The following RRAGD variants were observed in gnomAD, a reference collection of about 807,000 sequenced individuals.
RRAGD encodes Ras related GTP binding D, also known as ras-related GTP-binding protein D.
RRAGD carries 12 observed loss-of-function variants against 35.5 expected under a neutral mutation model. The ratio of observed to expected loss-of-function variants is 0.34; its 90% CI spans 0.22 to 0.55. The LOEUF (loss-of-function observed/expected upper bound fraction) is 0.55, where lower values mean the gene tolerates loss of function less well. Ranked by LOEUF, RRAGD falls within the 20% of genes least tolerant of loss-of-function variation. The pLI is 0.91. For missense variants in RRAGD, 324 were observed against 490.1 expected (o/e 0.66, Z 3.20); for synonymous variants, 155 against 178.9 (o/e 0.87, Z 1.07).
chr6:89,391,406 G>A (rs1300260295), intron 1 of RRAGD, among the ~76,000 whole-genome samples: 8 of 151,450 alleles, frequency 5.3e-5, no homozygotes, highest in Non-Finnish European at 1.2e-4. Context: ...AAATACAATG[G>A]AATATTATTC....
intron 1 of RRAGD, among the ~76,000 whole-genome samples, chr6:89,389,715 C>G (rs537558182): frequency 6.6e-6 from 1 of 152,062 alleles, no homozygotes; most frequent in Non-Finnish European, 1.5e-5. Context: ...TGACCAAGAG[C>G]GTGTATATTT....
At position 89,367,573 on chromosome 6, in the gene RRAGD, T is replaced by C. The variant is rs897555944; in HGVS notation, c.*483A>G. ...ACTGAAAAATGATTTTTCTCAACAA[T>C]TGGTAGCAAAGATTTCCAAATTTAC... On this transcript the variant is annotated 3_prime_UTR_variant, in exon 7 of 7. Coordinates refer to ENST00000369415, the MANE Select transcript of RRAGD (RefSeq NM_021244.5). 1.3e-5 allele frequency: 2 copies of C among 152,510 alleles called. No individual in the cohort carries two copies. The highest frequency in any genetic ancestry group is 2.9e-5 in the Non-Finnish European group (2 of 68,246). 9.4% of individuals were successfully genotyped at this position (152,510 alleles called of 1,614,324 possible). A position where few individuals can be genotyped will look rare whatever the true frequency, so the allele number is the denominator to read the frequency against.
At chr6:89,382,705 C>A (rs1412142295) in intron 2 of RRAGD, among the ~76,000 whole-genome samples, 3 of 151,606 alleles carry the variant, frequency 2.0e-5, no homozygotes, top group African/African-American at 4.9e-5. Flanking sequence ...GAAACCCCGT[C>A]TCTACTAAAA....
intron 1 of RRAGD, among the ~76,000 whole-genome samples, chr6:89,407,463 C>T (rs1769603289): frequency 6.6e-6 from 1 of 152,082 alleles, no homozygotes; most frequent in Non-Finnish European, 1.5e-5. Context: ...CATGGTGAAA[C>T]CTCATCTCTA....
chr6:89,402,298 G>A (rs1484030012), intron 1 of RRAGD, among the ~76,000 whole-genome samples: 10 of 151,738 alleles, frequency 6.6e-5, no homozygotes, highest in African/African-American at 2.2e-4. Flanking sequence ...CGCCAGCCTC[G>A]GCCTCCCAAA....
rs746927836 is a variant in RRAGD, at chr6:89,380,214, C to T, written c.598G>A (p.Ala200Thr). The change falls in exon 3 of 7, where the codon GCA becomes ACA. Residue 200 changes from alanine to threonine, a missense_variant. By Grantham distance (58) the Ala-to-Thr change is moderately conservative. Coordinates refer to ENST00000369415, the MANE Select transcript of RRAGD (RefSeq NM_021244.5). ...CCAGCATCTGCAAGGTCATCGTTTG[C>T]CCTCTGGTGAATATCTCTTTGGGTT... ...IETQRDIHQR[A>T]NDDLADAGLE... The T allele has an allele frequency of 2.5e-6, 4 of 1,614,220 alleles. No homozygotes were observed. The highest frequency in any genetic ancestry group is 1.6e-4 in the Middle Eastern group (1 of 6,062).
chr6:89,370,336 A>G (rs1009912245), intron 6 of RRAGD, among the ~76,000 whole-genome samples: 4 of 152,254 alleles, frequency 2.6e-5, no homozygotes, highest in African/African-American at 9.6e-5. Flanking sequence ...GTCATGGTAC[A>G]CACAGGAAAA....
chr6:89,379,317 A>G lies in RRAGD; in HGVS notation c.666T>C (p.Tyr222=). 1 of 1,586,252 alleles carries G rather than the reference A, an allele frequency of 6.3e-7. No homozygotes were observed. Among genetic ancestry groups the G allele is most frequent in the Non-Finnish European group, 8.6e-7 (1 of 1,157,722 alleles). The change falls in exon 4 of 7, where the codon TAT becomes TAC. Residue 222 remains tyrosine (Y), a synonymous_variant. Coordinates refer to ENST00000369415, the MANE Select transcript of RRAGD (RefSeq NM_021244.5). ...IHLSFYLTSI[Y]DHSIFEAFSK... is the part of the protein sequence containing the mutation. Reference sequence around the variant, plus strand: ...TAAAAGCTTCAAATATTGAATGATCATATATGCTTGTCAGATAAAAGCTGA... The same window carrying G: ...TAAAAGCTTCAAATATTGAATGATCGTATATGCTTGTCAGATAAAAGCTGA...
At chr6:89,398,160 A>T (rs1769377427) in intron 1 of RRAGD, among the ~76,000 whole-genome samples, 1 of 152,176 alleles carries the variant, frequency 6.6e-6, no homozygotes, top group Non-Finnish European at 1.5e-5. Flanking sequence ...AAAAAAAGAA[A>T]AAAAGAAATG....
chr6:89,373,387 G>C (rs1300646432), intron 5 of RRAGD, among the ~76,000 whole-genome samples: 1 of 152,176 alleles, frequency 6.6e-6, no homozygotes, highest in African/African-American at 2.4e-5. Context: ...TGGGAGACAG[G>C]TAGATCACGA....
At chr6:89,409,322 C>T (rs1311754817) in intron 1 of RRAGD, among the ~76,000 whole-genome samples, 2 of 152,194 alleles carry the variant, frequency 1.3e-5, no homozygotes, top group African/African-American at 2.4e-5. Context: ...AGCCTCCCAC[C>T]CACCAGGGTA....
chr6:89,400,539 G>A (rs905574411), intron 1 of RRAGD, among the ~76,000 whole-genome samples: 1 of 151,848 alleles, frequency 6.6e-6, no homozygotes, highest in East Asian at 1.9e-4. Context: ...TAGAGCCTGG[G>A]TAGCTTAGCC....
At chr6:89,387,254 G>GA (rs1562454434) in intron 2 of RRAGD, 41 bp downstream of exon 2, 1 of 1,582,940 alleles carries the variant, frequency 6.3e-7, no homozygotes, top group Non-Finnish European at 8.6e-7. Flanking sequence ...GGGTGGAGGG[G>GA]ACCGGCCAGG....
Position 89,411,833 on chromosome 6 carries a change from G to A in RRAGD, c.148+13C>T. 4 of 1,545,598 alleles carry A rather than the reference G, an allele frequency of 2.6e-6. No homozygotes were observed. Among genetic ancestry groups the A allele is most frequent in the Non-Finnish European group, 2.6e-6 (3 of 1,149,454 alleles). On this transcript the variant is annotated intron_variant, in intron 1 of 6. Coordinates refer to ENST00000369415, the MANE Select transcript of RRAGD (RefSeq NM_021244.5). The surrounding 1 kb of genome is among the most constrained non-coding windows in gnomAD (Gnocchi z 5.6). ...AGGGGCGCGAGCCGAGGACGCGGGG[G>A]CCGGGCGCTCACCTCCCTCCTCTGT...
At chr6:89,368,591 C>T (rs1768798047) in intron 6 of RRAGD, among the ~76,000 whole-genome samples, 2 of 152,152 alleles carry the variant, frequency 1.3e-5, no homozygotes, top group South Asian at 4.1e-4. Context: ...CATTATTAGA[C>T]TGAGTAGAGG....
At chr6:89,384,072 C>A (rs1166509212) in intron 2 of RRAGD, among the ~76,000 whole-genome samples, 4 of 150,622 alleles carry the variant, frequency 2.7e-5, no homozygotes, top group African/African-American at 9.8e-5. Flanking sequence ...CACTGCACTC[C>A]AGCCTGGTGA....
In RRAGD at chr6:89,403,180, G is replaced by A. The variant is rs147364794; in HGVS notation, c.148+8666C>T. On this transcript the variant is annotated intron_variant, in intron 1 of 6. Transcript: ENST00000369415. ...CTGTCGGCCGGGCGCGGTGGCTCACGCCTGTAATCTCAGCACTTTGGGAGG... is the reference window on the plus strand; with the variant it reads ...CTGTCGGCCGGGCGCGGTGGCTCACACCTGTAATCTCAGCACTTTGGGAGG... 2.7e-3 allele frequency among the ~76,000 whole-genome samples: 408 copies of A among 152,260 alleles called. 7 individuals carry two copies. The highest frequency in any genetic ancestry group is 0.022 in the Admixed American group (334 of 15,298).
chr6:89,406,688 A>G (rs1032694076), intron 1 of RRAGD, among the ~76,000 whole-genome samples: 1 of 152,176 alleles, frequency 6.6e-6, no homozygotes, highest in African/African-American at 2.4e-5. Context: ...CTTCCGGTAC[A>G]CCAAGGCAAG....
intron 4 of RRAGD, among the ~76,000 whole-genome samples, 200 bp from the exon 5 acceptor site, chr6:89,378,013 A>G (rs1040178457): frequency 8.5e-5 from 13 of 152,220 alleles, no homozygotes; most frequent in African/African-American, 2.9e-4. Context: ...ATAAGAAATA[A>G]AAAGTAGAGG....
Sources: gnomAD v4.1 joint callset for allele counts (sites outside exome capture counted in the v4.1 genomes callset) on GRCh38, gnomAD v4.1.1 for gene constraint, Gnocchi (gnomAD v3.1) non-coding constraint, MANE v1.5 for transcripts, NCBI Gene and HGNC (gene_info 2026-07-23, HGNC 2026-07-21) for gene names.